ZNF365: variants seen among roughly 807,000 people sequenced by gnomAD.
ZNF365 encodes protein ZNF365.
ZNF365 carries 22 observed loss-of-function variants against 35.0 expected under a neutral mutation model. That is an observed-to-expected ratio of 0.63 (90% CI 0.45 to 0.90). The LOEUF is 0.90. Among genes scored for constraint, ZNF365 ranks in the 40% least tolerant of loss-of-function variants. ZNF365 has a pLI of 0.00. For synonymous variants in ZNF365, 188 were observed against 196.2 expected, an observed-to-expected ratio of 0.96 and a Z score of 0.35; for missense variants, 448 against 500.3, an observed-to-expected ratio of 0.90 and a Z score of 1.00.
At chr10:62,413,343 G>A (rs920320180) in intron 3 of ZNF365, among the ~76,000 whole-genome samples, 1 of 152,110 alleles carries the variant, frequency 6.6e-6, no homozygotes, top group Non-Finnish European at 1.5e-5. Context: ...AATGTGCATT[G>A]TGAATCTTTT....
intron 2 of ZNF365, 145 bp from the exon 3 acceptor site, chr10:62,388,251 G>A (rs1839556632): frequency 5.3e-6 from 4 of 748,946 alleles, no homozygotes; most frequent in Middle Eastern, 2.5e-4. Flanking sequence ...TAATCACAAA[G>A]AGGTGATTAC....
chr10:62,392,956 G>T (rs1839659115), intron 3 of ZNF365, among the ~76,000 whole-genome samples: 1 of 152,072 alleles, frequency 6.6e-6, no homozygotes. Flanking sequence ...TTATACCAGA[G>T]AAGTACAATA....
chr10:62,378,850 T>G (rs1267329349), intron 2 of ZNF365, among the ~76,000 whole-genome samples: 1 of 152,206 alleles, frequency 6.6e-6, no homozygotes, highest in Non-Finnish European at 1.5e-5. Context: ...TCTTTTTGAC[T>G]GTTGTGTAGT....
At chr10:62,427,747 A>AAATAAGGAC (rs1840272467) in intron 3 of ZNF365, among the ~76,000 whole-genome samples, 1 of 152,092 alleles carries the variant, frequency 6.6e-6, no homozygotes, top group South Asian at 2.1e-4. Flanking sequence ...TGAGTCTATG[A>AAATAAGGAC]AATAAGGACA....
At chr10:62,398,843 T>G in intron 4 of ZNF365, 66 bp downstream of exon 4, 1 of 1,452,914 alleles carries the variant, frequency 6.9e-7, no homozygotes, top group Non-Finnish European at 9.5e-7. Context: ...CCTGTTGCAT[T>G]TTATATGAGA....
intron 3 of ZNF365, among the ~76,000 whole-genome samples, chr10:62,442,532 G>C (rs927043930): frequency 3.9e-5 from 6 of 152,204 alleles, no homozygotes; most frequent in African/African-American, 1.4e-4. Flanking sequence ...TGAAACGATG[G>C]CTTCATTTTC....
intron 4 of ZNF365, among the ~76,000 whole-genome samples, chr10:62,472,271 T>C (rs978893249): frequency 1.3e-5 from 2 of 152,236 alleles, no homozygotes; most frequent in African/African-American, 4.8e-5. Flanking sequence ...TGGCCTCCTG[T>C]CAATACTGTG....
chr10:62,389,928 A>T (rs1051069437), intron 3 of ZNF365, among the ~76,000 whole-genome samples: 8 of 152,118 alleles, frequency 5.3e-5, no homozygotes, highest in Admixed American at 5.2e-4. Context: ...CTGAGGGGGA[A>T]GTCACACCAC....
intron 2 of ZNF365, among the ~76,000 whole-genome samples, chr10:62,381,232 G>A (rs1205181364): frequency 1.3e-5 from 2 of 152,196 alleles, no homozygotes; most frequent in Admixed American, 1.3e-4. Flanking sequence ...TGAAGGGGCG[G>A]CAGGGAGGGC....
In ZNF365 at chr10:62,390,529, A is replaced by G. The variant is rs144313294; in HGVS notation, c.924+1953A>G. On this transcript the variant is annotated intron_variant, in intron 3 of 4. Transcript: ENST00000395254. Reference sequence around the variant, plus strand: ...ATTTTTTAAAGAGACATAGCCAGTCATTATTTCTCATCATGCCAAATAATG... The same window carrying G: ...ATTTTTTAAAGAGACATAGCCAGTCGTTATTTCTCATCATGCCAAATAATG... Among the ~76,000 whole-genome samples the G allele has an allele frequency of 9.6e-4, 146 of 152,350 alleles. 2 individuals carry two copies. The East Asian group carries it at 0.026, about 27-fold the overall frequency.
chr10:62,423,873 C>A (rs1840212257), intron 3 of ZNF365, among the ~76,000 whole-genome samples: 1 of 152,070 alleles, frequency 6.6e-6, no homozygotes, highest in Admixed American at 6.6e-5. Context: ...TTAGGTTATT[C>A]AGATTATTAA....
chr10:62,449,769 T>C lies in ZNF365; in HGVS notation c.925-9972T>C, dbSNP rs567047172. ...TCAAAGTAGTTCCTCAATCTCCAAATCTTCCCAGTTGGTCAACTTTTTTGC... is the reference window on the plus strand; with the variant it reads ...TCAAAGTAGTTCCTCAATCTCCAAACCTTCCCAGTTGGTCAACTTTTTTGC... On this transcript the variant is annotated intron_variant, in intron 3 of 4. Transcript: ENST00000395255. 2.0e-4 allele frequency among the ~76,000 whole-genome samples: 30 copies of C among 151,924 alleles called. No homozygotes were observed. In the East Asian group the frequency reaches 4.1e-3, roughly 21 times the overall value.
chr10:62,387,488 A>G (rs1376643834), intron 2 of ZNF365, among the ~76,000 whole-genome samples: 1 of 152,216 alleles, frequency 6.6e-6, no homozygotes, highest in Non-Finnish European at 1.5e-5. Flanking sequence ...TCATATTTCC[A>G]TTAAAAATGA....
At chr10:62,456,626 T>C (rs897835356) in intron 3 of ZNF365, among the ~76,000 whole-genome samples, 1 of 152,212 alleles carries the variant, frequency 6.6e-6, no homozygotes, top group Non-Finnish European at 1.5e-5. Flanking sequence ...CCAGGCTAAA[T>C]TGAGAGCTCA....
chr10:62,478,021 T>C (rs531070349), intron 4 of ZNF365, among the ~76,000 whole-genome samples: 1 of 152,330 alleles, frequency 6.6e-6, no homozygotes, highest in Non-Finnish European at 1.5e-5. Flanking sequence ...CTGAACATAC[T>C]CACCCCTTCT....
At chr10:62,409,079 A>G (rs1053107610) in intron 3 of ZNF365, among the ~76,000 whole-genome samples, 7 of 152,156 alleles carry the variant, frequency 4.6e-5, no homozygotes, top group Non-Finnish European at 8.8e-5. Flanking sequence ...TGAAAATGCC[A>G]CATGCTCATT....
At chr10:62,393,145 C>A (rs917610978) in intron 3 of ZNF365, among the ~76,000 whole-genome samples, 2 of 151,890 alleles carry the variant, frequency 1.3e-5, no homozygotes, top group Non-Finnish European at 2.9e-5. Flanking sequence ...GGCTATAGCG[C>A]GTACTGAGCT....
At chr10:62,466,314 A>G (rs1357398748) in intron 4 of ZNF365, among the ~76,000 whole-genome samples, 1 of 152,152 alleles carries the variant, frequency 6.6e-6, no homozygotes, top group Non-Finnish European at 1.5e-5. Context: ...GCAGCCTCAC[A>G]TGAAGCCAGT....
intron 3 of ZNF365, among the ~76,000 whole-genome samples, chr10:62,453,149 A>G (rs1234777269): frequency 6.6e-6 from 1 of 152,272 alleles, no homozygotes; most frequent in African/African-American, 2.4e-5. Flanking sequence ...TTTTTTAAAT[A>G]AATTGATGAG....
Sources: gnomAD v4.1 joint callset for allele counts (sites outside exome capture counted in the v4.1 genomes callset) on GRCh38, gnomAD v4.1.1 for gene constraint, MANE v1.5 for transcripts, NCBI Gene and HGNC (gene_info 2026-07-23, HGNC 2026-07-21) for gene names.